The following SLC35F3 variants were observed in gnomAD, a reference collection of about 807,000 sequenced individuals.
SLC35F3 encodes the protein putative thiamine transporter SLC35F3.
A neutral mutation model predicts 49.9 loss-of-function variants in SLC35F3; 25 were observed. The observed-to-expected ratio is 0.50, with a 90% CI of 0.37 to 0.70. The LOEUF (loss-of-function observed/expected upper bound fraction) is 0.70, where lower values mean the gene tolerates loss of function less well. Ranked by LOEUF, SLC35F3 falls within the 30% of genes least tolerant of loss-of-function variation. The probability of loss-of-function intolerance (pLI) is 0.00; values close to 1 mark genes in which losing one functional copy is unlikely to be tolerated. For missense variants in SLC35F3, 525 were observed against 639.8 expected (o/e 0.82, Z 1.94); for synonymous variants, 275 against 265.4 (o/e 1.04, Z -0.35).
At chr1:234,122,727 G>C (rs528272651) in intron 2 of SLC35F3, among the ~76,000 whole-genome samples, 92 of 152,236 alleles carry the variant, frequency 6.0e-4, no homozygotes, top group African/African-American at 2.1e-3. Flanking sequence ...TTGGTTTTCT[G>C]TTCCTGTGTT....
In SLC35F3 at chr1:234,231,607, G is replaced by C. The variant is rs761085197; in HGVS notation, c.474G>C (p.Leu158=). Reference sequence around the variant, plus strand: ...CGGGCTCCACGCAGCTCGCCAAGCTGACCTTCAGGAAGTTCGACGCGCCCT... The same window carrying C: ...CGGGCTCCACGCAGCTCGCCAAGCTCACCTTCAGGAAGTTCGACGCGCCCT... The part of the protein sequence containing the change: ...SWAGSTQLAK[L]TFRKFDAPFT... Residue 158 remains leucine, a synonymous_variant, in exon 3 of 8, where the codon CTG becomes CTC. Coordinates refer to ENST00000366618, the MANE Select transcript of SLC35F3 (RefSeq NM_173508.4). This position sits in a 1 kb window ranked among gnomAD's most constrained non-coding sequence, Gnocchi z 5.4. 6.2e-7 allele frequency: 1 copy of C among 1,614,104 alleles called. No homozygotes were observed.
chr1:233,978,345 T>C (rs562197803), intron 2 of SLC35F3, among the ~76,000 whole-genome samples: 2 of 152,316 alleles, frequency 1.3e-5, no homozygotes, highest in African/African-American at 4.8e-5. Flanking sequence ...TTCAATTGCA[T>C]TGATTTCTTA....
chr1:234,075,599 G>C (rs1664779597), intron 2 of SLC35F3, among the ~76,000 whole-genome samples: 1 of 152,216 alleles, frequency 6.6e-6, no homozygotes, highest in Admixed American at 6.5e-5. Context: ...CGTTAGAAAA[G>C]AGGACCAAGC....
At chr1:233,956,903 T>C (rs1336102639) in intron 2 of SLC35F3, among the ~76,000 whole-genome samples, 1 of 152,148 alleles carries the variant, frequency 6.6e-6, no homozygotes, top group African/African-American at 2.4e-5. Flanking sequence ...TGCCCCCGCC[T>C]AGTGGTGGAA....
At chr1:234,068,844 TATATATATATATGGCATA>T (rs1664661610) in intron 2 of SLC35F3, among the ~76,000 whole-genome samples, 1 of 134,444 alleles carries the variant, frequency 7.4e-6, no homozygotes, top group African/African-American at 2.8e-5. Context: ...TATATATATA[TATATATATATATGGCATA>T]TTTATATATA....
At chr1:234,059,803 C>G (rs1310757387) in intron 2 of SLC35F3, among the ~76,000 whole-genome samples, 1 of 152,156 alleles carries the variant, frequency 6.6e-6, no homozygotes, top group Non-Finnish European at 1.5e-5. Flanking sequence ...AAACTTGGGG[C>G]CTGATGTTTG....
chr1:234,270,464 G>A (rs887547372), intron 3 of SLC35F3, among the ~76,000 whole-genome samples: 9 of 152,192 alleles, frequency 5.9e-5, no homozygotes, highest in Admixed American at 2.0e-4. Context: ...TGTGGTTGAG[G>A]CATGGCCGGT....
intron 2 of SLC35F3, among the ~76,000 whole-genome samples, chr1:234,013,466 G>A (rs1663755096): frequency 6.6e-6 from 1 of 151,136 alleles, no homozygotes; most frequent in Admixed American, 6.6e-5. Context: ...AAAGTTAGGA[G>A]AAGGAAGGAA....
At chr1:233,976,433 A>T (rs1273147460) in intron 2 of SLC35F3, among the ~76,000 whole-genome samples, 1 of 152,204 alleles carries the variant, frequency 6.6e-6, no homozygotes, top group East Asian at 1.9e-4. Flanking sequence ...AACTTCAGCA[A>T]TAGTCAGCGT....
At chr1:233,982,450 G>T (rs1263107129) in intron 2 of SLC35F3, among the ~76,000 whole-genome samples, 3 of 151,902 alleles carry the variant, frequency 2.0e-5, no homozygotes, top group African/African-American at 7.3e-5. Context: ...CCTTGGCTCA[G>T]TGCAACCTCT....
chr1:234,102,421 C>T (rs1665227422), intron 2 of SLC35F3, among the ~76,000 whole-genome samples: 1 of 152,122 alleles, frequency 6.6e-6, no homozygotes, highest in Non-Finnish European at 1.5e-5. Context: ...GAAATGACTC[C>T]TGAACCATCT....
At chr1:234,009,826 C>T in intron 2 of SLC35F3, among the ~76,000 whole-genome samples, 1 of 152,044 alleles carries the variant, frequency 6.6e-6, no homozygotes, top group East Asian at 1.9e-4. Flanking sequence ...CCCTTCTGGC[C>T]AAGAGAGAGT....
chr1:234,216,836 G>T lies in SLC35F3; in HGVS notation c.284-14581G>T, dbSNP rs115385070. Among the ~76,000 whole-genome samples the T allele has an allele frequency of 6.9e-3, 1,052 of 152,256 alleles. 14 individuals carry two copies. The highest frequency in any genetic ancestry group is 0.024 in the African/African-American group (1,013 of 41,546). ...AAGGTAGAGGTAGCTGAAAATGCCT[G>T]GCAAGCCCCCAGTTGCATTTTTCGT... On this transcript the variant is annotated intron_variant, in intron 2 of 7. Coordinates refer to ENST00000366618, the MANE Select transcript of SLC35F3 (RefSeq NM_173508.4).
intron 2 of SLC35F3, among the ~76,000 whole-genome samples, chr1:234,074,745 G>T (rs16842515): frequency 0.3 from 45,501 of 152,148 alleles, 6,989 homozygotes; most frequent in African/African-American, 0.32. Flanking sequence ...AGCGGAATTT[G>T]TGGGAACTGA....
At chr1:234,024,317 G>C (rs997553062) in intron 2 of SLC35F3, among the ~76,000 whole-genome samples, 5 of 152,100 alleles carry the variant, frequency 3.3e-5, no homozygotes, top group Non-Finnish European at 5.9e-5. Context: ...AAGATGCTGA[G>C]AACAGGAGTG....
chr1:234,250,148 T>A (rs949015732), intron 3 of SLC35F3, among the ~76,000 whole-genome samples: 2 of 152,186 alleles, frequency 1.3e-5, no homozygotes, highest in Admixed American at 1.3e-4. Flanking sequence ...AAGATACTAT[T>A]TATTCAAAAT....
chr1:234,304,939 A>G (rs1215690634), intron 3 of SLC35F3, among the ~76,000 whole-genome samples: 2 of 152,218 alleles, frequency 1.3e-5, no homozygotes, highest in Non-Finnish European at 2.9e-5. Flanking sequence ...AACTAAAAGA[A>G]GCACCAGAAA....
At chr1:233,933,845 T>TC (rs1489986254) in intron 2 of SLC35F3, among the ~76,000 whole-genome samples, 1 of 151,834 alleles carries the variant, frequency 6.6e-6, no homozygotes, top group Non-Finnish European at 1.5e-5. Context: ...AGAGTGAGAC[T>TC]CCATCTCAAA....
At chr1:234,099,616 A>C (rs1464197934) in intron 2 of SLC35F3, among the ~76,000 whole-genome samples, 5 of 151,482 alleles carry the variant, frequency 3.3e-5, no homozygotes, top group Non-Finnish European at 7.4e-5. Flanking sequence ...CTAAAAAAAA[A>C]AAAAAAAAAA....
Sources: allele counts gnomAD v4.1 joint callset (sites outside exome capture counted in the v4.1 genomes callset), GRCh38; gene constraint gnomAD v4.1.1; non-coding constraint Gnocchi (gnomAD v3.1); transcripts MANE v1.5; gene names NCBI Gene and HGNC (gene_info 2026-07-23, HGNC 2026-07-21).